The following LAMB1 variants were observed in gnomAD, a reference collection of about 807,000 sequenced individuals.
LAMB1 encodes the protein laminin subunit beta-1.
In LAMB1, 121 loss-of-function variants were observed where a neutral mutation model predicts 222.3. The observed-to-expected ratio is 0.54, with a 90% CI of 0.47 to 0.63. The LOEUF is 0.63. Among genes scored for constraint, LAMB1 ranks in the 30% least tolerant of loss-of-function variants. The pLI, the probability that LAMB1 is intolerant of heterozygous loss-of-function variation, is 0.00. For synonymous variants in LAMB1, 794 were observed against 807.2 expected, an observed-to-expected ratio of 0.98 and a Z score of 0.28; for missense variants, 2,172 against 2,240.8, an observed-to-expected ratio of 0.97 and a Z score of 0.62.
chr7:107,986,583 C>T (rs953014386), intron 5 of LAMB1, among the ~76,000 whole-genome samples: 5 of 152,128 alleles, frequency 3.3e-5, no homozygotes, highest in Admixed American at 6.5e-5. Context: ...TTTTCCCCAC[C>T]CTACTGGATA....
At chr7:107,955,743 T>A in intron 20 of LAMB1, 113 bp from the exon 21 acceptor site, 2 of 952,276 alleles carry the variant, frequency 2.1e-6, no homozygotes, top group Non-Finnish European at 3.0e-6. Context: ...ACTCCTCATG[T>A]TTTCTTTGAG....
At chr7:107,989,333 A>G (rs1182103408) in intron 5 of LAMB1, among the ~76,000 whole-genome samples, 1 of 152,248 alleles carries the variant, frequency 6.6e-6, no homozygotes, top group East Asian at 1.9e-4. Flanking sequence ...GCTGACCTAG[A>G]AAACAGAACC....
At position 107,959,235 on chromosome 7, in the gene LAMB1, C is replaced by G; in HGVS notation, c.2690+14G>C. ...GAGATCACTACATTCTCCTTACTTTCAGCATCTGCATACCTTTCACAGTTA... is the reference window on the plus strand; with the variant it reads ...GAGATCACTACATTCTCCTTACTTTGAGCATCTGCATACCTTTCACAGTTA... On this transcript the variant is annotated intron_variant, in intron 20 of 33. Transcript: ENST00000222399. 1 of 1,593,720 alleles carries G rather than the reference C, an allele frequency of 6.3e-7. No individual in the cohort carries two copies. The highest frequency in any genetic ancestry group is 1.3e-5 in the African/African-American group (1 of 74,706).
intron 5 of LAMB1, among the ~76,000 whole-genome samples, chr7:107,990,807 T>TG (rs1173881604): frequency 5.3e-5 from 8 of 152,130 alleles, no homozygotes; most frequent in Non-Finnish European, 1.0e-4. Flanking sequence ...TGGCAGTGAG[T>TG]GGACACATGG....
Position 107,994,937 on chromosome 7 carries a change from G to A in LAMB1, c.373C>T (p.Leu125=). 6.3e-7 allele frequency: 1 copy of A among 1,598,918 alleles called. No homozygotes were observed. The highest frequency in any genetic ancestry group is 1.1e-5 in the South Asian group (1 of 90,600). Residue 125 remains leucine, a synonymous_variant, in exon 5 of 34, where the codon CTG becomes TTG. Coordinates refer to ENST00000222399, the MANE Select transcript of LAMB1 (RefSeq NM_002291.3). ...ENGVENVTIQ[L]DLEAEFHFTH... ...AAATGGAATTCTGCTTCCAAATCCA[G>A]TTGGATAGTTACATTTTCCACACCT...
At chr7:108,001,788 G>GA (rs749970421) in intron 2 of LAMB1, 55 bp from the exon 3 acceptor site, 72 of 1,590,728 alleles carry the variant, frequency 4.5e-5, no homozygotes, top group Non-Finnish European at 5.2e-5. Flanking sequence ...AGTGGAGCCC[G>GA]AAAAAAACGA....
intron 9 of LAMB1, 23 bp from the exon 10 acceptor site, chr7:107,975,900 AG>A: frequency 6.2e-7 from 1 of 1,607,214 alleles, no homozygotes; most frequent in Non-Finnish European, 8.5e-7. Context: ...AGCAACGTCA[AG>A]AAAAGCTTTT....
At chr7:107,944,244 C>T (rs1310888859) in intron 24 of LAMB1, among the ~76,000 whole-genome samples, 2 of 152,104 alleles carry the variant, frequency 1.3e-5, no homozygotes, top group Non-Finnish European at 2.9e-5. Context: ...TCATTTATTT[C>T]GTTGCCAAAG....
chr7:107,978,302 GT>G, intron 8 of LAMB1, 135 bp from the exon 9 acceptor site: 1 of 999,530 alleles, frequency 1.0e-6, no homozygotes, highest in Non-Finnish European at 1.5e-6. Flanking sequence ...TTGTTTGGTT[GT>G]TTTTATTTTC....
rs777512642 is a variant in LAMB1 at position 107,964,599 on chromosome 7, T to A, written c.1651A>T (p.Thr551Ser). Residue 551 changes from threonine (T) to serine (S), a missense_variant, in exon 14 of 34, where the codon ACC (threonine) becomes TCC (serine). Physicochemically the swap from Thr to Ser is moderately conservative, Grantham distance 58 (BLOSUM62 1). Coordinates refer to ENST00000222399, the MANE Select transcript of LAMB1 (RefSeq NM_002291.3). Reference sequence around the variant, plus strand: ...GCTTCATAGAGGTAGTGATCCAGGGTGGCAAAGTAGTAACCAGGTTCCACT... The same window carrying A: ...GCTTCATAGAGGTAGTGATCCAGGGAGGCAAAGTAGTAACCAGGTTCCACT... ...NEVEPGYYFA[T>S]LDHYLYEAEE... The A allele has an allele frequency of 6.2e-7, 1 of 1,614,114 alleles. No homozygotes were observed. The highest frequency in any genetic ancestry group is 1.7e-5 in the Admixed American group (1 of 60,012).
chr7:107,939,712 C>T (rs776029746), intron 25 of LAMB1, among the ~76,000 whole-genome samples: 4 of 152,160 alleles, frequency 2.6e-5, no homozygotes, highest in Non-Finnish European at 5.9e-5. Flanking sequence ...TCCCATTTTA[C>T]TGACTTAGAA....
chr7:107,984,287 C>T (rs760528898), intron 7 of LAMB1, among the ~76,000 whole-genome samples: 7 of 152,116 alleles, frequency 4.6e-5, no homozygotes, highest in Non-Finnish European at 7.4e-5. Flanking sequence ...CTTGCTCTGT[C>T]ACCCAGGCTG....
chr7:107,984,233 G>A (rs2034029578), intron 7 of LAMB1, among the ~76,000 whole-genome samples: 2 of 151,982 alleles, frequency 1.3e-5, no homozygotes, highest in South Asian at 4.2e-4. Flanking sequence ...GAAGTGACGT[G>A]TGCAACTTCC....
chr7:107,931,584 T>C (rs2032712823), intron 28 of LAMB1, 84 bp from the exon 29 acceptor site: 1 of 1,298,998 alleles, frequency 7.7e-7, no homozygotes, highest in Non-Finnish European at 1.1e-6. Context: ...TCAAAAATGA[T>C]GTTGAAAAAC....
At chr7:107,958,072 C>T (rs2033415041) in intron 20 of LAMB1, among the ~76,000 whole-genome samples, 2 of 152,190 alleles carry the variant, frequency 1.3e-5, no homozygotes, top group African/African-American at 4.8e-5. Context: ...TGTTCCCCCT[C>T]CTCTCTCTGC....
At chr7:107,939,467 G>A (rs1220182754) in intron 25 of LAMB1, among the ~76,000 whole-genome samples, 1 of 152,158 alleles carries the variant, frequency 6.6e-6, no homozygotes. Flanking sequence ...GTCTTATTTT[G>A]AGGTAATGGA....
At chr7:107,948,333 G>A (rs1223144417) in intron 24 of LAMB1, among the ~76,000 whole-genome samples, 2 of 152,126 alleles carry the variant, frequency 1.3e-5, no homozygotes, top group Non-Finnish European at 2.9e-5. Flanking sequence ...GAGGTCAGTT[G>A]CCTTCACCCC....
intron 33 of LAMB1, 28 bp downstream of exon 33, chr7:107,924,202 A>C: frequency 6.4e-7 from 1 of 1,572,002 alleles, no homozygotes; most frequent in Non-Finnish European, 8.6e-7. Flanking sequence ...AAGTAATTTA[A>C]AAAATAAGCC....
At chr7:107,952,730 A>G (rs562728496) in intron 22 of LAMB1, among the ~76,000 whole-genome samples, 2 of 152,290 alleles carry the variant, frequency 1.3e-5, no homozygotes, top group East Asian at 3.9e-4. Context: ...GGGGCTGTGC[A>G]GCTGCAGCAA....
Sources: allele counts gnomAD v4.1 joint callset (sites outside exome capture counted in the v4.1 genomes callset), GRCh38; gene constraint gnomAD v4.1.1; transcripts MANE v1.5; gene names NCBI Gene and HGNC (gene_info 2026-07-23, HGNC 2026-07-21).